The following MROH9 variants were observed in gnomAD, a reference collection of about 807,000 sequenced individuals.
MROH9 encodes maestro heat-like repeat-containing protein family member 9.
Under a neutral mutation model 98.2 loss-of-function variants are expected in MROH9, and 92 were observed. The ratio of observed to expected loss-of-function variants is 0.94; its 90% CI spans 0.79 to 1.11. The LOEUF (loss-of-function observed/expected upper bound fraction) is 1.11, where lower values mean the gene tolerates loss of function less well. Ranked by LOEUF, MROH9 falls within the 50% of genes most tolerant of loss-of-function variation. MROH9 has a pLI of 0.00. For missense variants in MROH9, 1,057 were observed against 1,014.8 expected (o/e 1.04, Z -0.57); for synonymous variants, 397 against 368.9 (o/e 1.08, Z -0.87).
At chr1:170,960,994 C>T (rs28378893) in intron 5 of MROH9, among the ~76,000 whole-genome samples, 4,022 of 152,244 alleles carry the variant, frequency 0.026, 64 homozygotes, top group Non-Finnish European at 0.04. Context: ...AACCAAGTCA[C>T]GTCATGCTTG....
At chr1:171,003,698 T>C (rs144292375) in intron 15 of MROH9, among the ~76,000 whole-genome samples, 228 of 152,290 alleles carry the variant, frequency 1.5e-3, no homozygotes, top group Non-Finnish European at 2.3e-3. Flanking sequence ...GTTTTAATGC[T>C]CTATTTTTGT....
In MROH9 at chr1:170,947,528, G is replaced by T; in HGVS notation, c.27G>T (p.Lys9Asn). The T allele has an allele frequency of 1.2e-6, 2 of 1,610,692 alleles. No homozygotes were observed. Among genetic ancestry groups the T allele is most frequent in the South Asian group, 1.1e-5 (1 of 90,936 alleles). MLTRNPKT[K>N]SSLQILQDSV... The stretch of plus-strand genomic sequence containing the variant: ...ACGAATCTCCTTCTTTCTGGCTAGA[G>T]AGTAGTCTCCAGATTCTGCAAGACA... Residue 9 changes from lysine to asparagine, a missense_variant and splice_region_variant, in exon 3 of 22, where the codon AAG becomes AAT. By Grantham distance (94) the Lys-to-Asn change is moderately conservative. Transcript: ENST00000367759.
chr1:171,063,926 A>G (rs1037826137), intron 21 of MROH9, among the ~76,000 whole-genome samples, 173 bp from the exon 22 acceptor site: 66 of 152,296 alleles, frequency 4.3e-4, no homozygotes, highest in Admixed American at 2.9e-3. Context: ...GTAGGGATAG[A>G]TGATAAAACT....
intron 20 of MROH9, among the ~76,000 whole-genome samples, chr1:171,049,753 C>G (rs1411485254): frequency 2.0e-5 from 3 of 151,814 alleles, no homozygotes; most frequent in Non-Finnish European, 4.4e-5. Flanking sequence ...GTGAACACAG[C>G]TCACACAGCC....
chr1:171,012,499 ATTTTTT>A (rs372676922), intron 15 of MROH9, among the ~76,000 whole-genome samples: 1 of 114,210 alleles, frequency 8.8e-6, no homozygotes, highest in Non-Finnish European at 1.8e-5. Context: ...TAAAACTGTC[ATTTTTT>A]TTTTTTTTTT....
chr1:170,947,132 C>A (rs1400673934), intron 2 of MROH9, among the ~76,000 whole-genome samples: 3 of 151,706 alleles, frequency 2.0e-5, no homozygotes, highest in Non-Finnish European at 4.4e-5. Context: ...AACTACATAG[C>A]CATTTTATTT....
chr1:171,062,555 A>G (rs897735249), intron 21 of MROH9, among the ~76,000 whole-genome samples: 2 of 152,348 alleles, frequency 1.3e-5, no homozygotes, highest in Middle Eastern at 3.4e-3. Flanking sequence ...TGACAGCACT[A>G]TTTACTGCTA....
rs1571178468 is a variant in MROH9 at position 171,062,037 on chromosome 1, G to T, written c.2282-95G>T. 3 of 738,562 alleles carry T rather than the reference G, an allele frequency of 4.1e-6. No individual in the cohort carries two copies. In the African/African-American group the frequency reaches 5.3e-5, roughly 13 times the overall value. 45.8% of individuals were successfully genotyped at this position (738,562 alleles called of 1,614,324 possible). A position where few individuals can be genotyped will look rare whatever the true frequency, so the allele number is the denominator to read the frequency against. On this transcript the variant is annotated intron_variant, in intron 20 of 21. Transcript: ENST00000367759. ...CTCAAGGATAATATAGAGATGCTTT[G>T]CTTTGAAAAAAGCAAAGAAGGTAGC...
intron 20 of MROH9, among the ~76,000 whole-genome samples, chr1:171,054,718 A>G (rs1229058337): frequency 6.6e-6 from 1 of 152,230 alleles, no homozygotes; most frequent in Non-Finnish European, 1.5e-5. Flanking sequence ...TTCTCAAAAG[A>G]AAATATACAA....
chr1:171,000,807 A>C (rs1651758118), intron 15 of MROH9, among the ~76,000 whole-genome samples: 1 of 152,144 alleles, frequency 6.6e-6, no homozygotes, highest in Admixed American at 6.5e-5. Flanking sequence ...TAGTGTCAAA[A>C]GGATTGGTAC....
intron 8 of MROH9, among the ~76,000 whole-genome samples, chr1:170,974,359 A>G (rs1481298773): frequency 6.6e-6 from 1 of 152,154 alleles, no homozygotes; most frequent in East Asian, 1.9e-4. Context: ...ATCAAGGCAC[A>G]TCATAATTAA....
At chr1:170,964,004 C>G (rs1052025576) in intron 6 of MROH9, among the ~76,000 whole-genome samples, 1 of 152,074 alleles carries the variant, frequency 6.6e-6, no homozygotes, top group African/African-American at 2.4e-5. Context: ...GAATCCTCCC[C>G]TTCCCTGCCC....
Position 171,031,878 on chromosome 1 carries a change from G to A in MROH9, c.2281+6458G>A, listed in dbSNP as rs557351354. Among the ~76,000 whole-genome samples, 4 of 152,252 alleles carry A rather than the reference G, an allele frequency of 2.6e-5. No individual in the cohort carries two copies. The South Asian group carries it at 8.3e-4, about 32-fold the overall frequency. On this transcript the variant is annotated intron_variant, in intron 20 of 21. Transcript: ENST00000367759. ...ATAATATCCTGAAGTGTGTTTTCCA[G>A]CTTGTTTCCATTCTCCTCGTCTCCT...
At chr1:171,043,251 T>A (rs1653363649) in intron 20 of MROH9, among the ~76,000 whole-genome samples, 1 of 151,932 alleles carries the variant, frequency 6.6e-6, no homozygotes, top group African/African-American at 2.4e-5. Context: ...ACTGCTTTTA[T>A]GTTCTTGTCA....
Position 171,024,469 on chromosome 1 carries a change from G to A in MROH9, c.1983G>A (p.Trp661Ter), listed in dbSNP as rs1652639533. 8 of 1,550,194 alleles carry A rather than the reference G, an allele frequency of 5.2e-6. No individual in the cohort carries two copies. Among genetic ancestry groups the A allele is most frequent in the Non-Finnish European group, 6.1e-6 (7 of 1,146,546 alleles). The change falls in exon 18 of 22, where the codon TGG (tryptophan) becomes TGA (stop). Residue 661 changes from tryptophan (W) to a stop codon, truncating the protein, a stop_gained. Coordinates refer to ENST00000367759, the MANE Select transcript of MROH9 (RefSeq NM_001163629.2). LOFTEE classifies it high-confidence loss of function. ...QLVRDMRQYT[W>*]MVNDVVLEGL... ...TTAGGGATATGAGACAGTACACATG[G>A]ATGGTGAATGATGTGGTTCTAGAAG...
chr1:171,061,311 C>A (rs1654008019), intron 20 of MROH9, among the ~76,000 whole-genome samples: 1 of 152,058 alleles, frequency 6.6e-6, no homozygotes, highest in African/African-American at 2.4e-5. Flanking sequence ...AACTGTTTAG[C>A]AGTAACCGCT....
At chr1:171,063,673 C>T (rs930924629) in intron 21 of MROH9, among the ~76,000 whole-genome samples, 2 of 152,120 alleles carry the variant, frequency 1.3e-5, no homozygotes, top group Non-Finnish European at 2.9e-5. Context: ...GAAATATGGG[C>T]CTACATTATG....
intron 1 of MROH9, among the ~76,000 whole-genome samples, chr1:170,937,209 A>G (rs527972127): frequency 1.3e-5 from 2 of 152,196 alleles, no homozygotes; most frequent in African/African-American, 4.8e-5. Context: ...CTGTTCCAAC[A>G]TATGTCCTGC....
chr1:170,996,651 A>C lies in MROH9; in HGVS notation c.1475+7A>C, dbSNP rs554194029. ...GAGTCTGCTTTATTGCTAAGTAAGA[A>C]CAGGGGTCTCTGTGTAGGATTCTTG... On this transcript the variant is annotated splice_region_variant and intron_variant, in intron 14 of 21. Coordinates refer to ENST00000367759, the MANE Select transcript of MROH9 (RefSeq NM_001163629.2). The C allele has an allele frequency of 2.4e-5, 38 of 1,613,116 alleles. No individual in the cohort carries two copies. The South Asian group carries it at 3.6e-4, about 15-fold the overall frequency.
Sources: allele counts gnomAD v4.1 joint callset (sites outside exome capture counted in the v4.1 genomes callset), GRCh38; gene constraint gnomAD v4.1.1; transcripts MANE v1.5; gene names NCBI Gene and HGNC (gene_info 2026-07-23, HGNC 2026-07-21).